Variants in CIMIP2A observed in about 807,000 individuals in gnomAD.
CIMIP2A encodes the protein family with sequence similarity 166 member A.
At chr9:137,244,115 C>T in the CIMIP2A span, 29 of 1,523,638 alleles carry the variant, frequency 1.9e-5, no homozygotes, top group African/African-American at 9.6e-5. Flanking sequence ...CAGGTAGAGC[C>T]GTCCCTCCCC....
chr9:137,252,468 G>A, the CIMIP2A span: 1 of 1,611,368 alleles, frequency 6.2e-7, no homozygotes, highest in South Asian at 1.1e-5. Context: ...GGCAGACTTT[G>A]TGGTTCCAGA....
chr9:137,251,851 C>G, the CIMIP2A span: 7 of 1,607,820 alleles, frequency 4.4e-6, no homozygotes, highest in African/African-American at 1.3e-5. Flanking sequence ...ACGGGCACCC[C>G]CCAGGAGTCC....
the CIMIP2A span, chr9:137,251,058 A>C: frequency 1.9e-6 from 1 of 538,722 alleles, no homozygotes; most frequent in East Asian, 3.3e-5. Flanking sequence ...GGTTGCGGGG[A>C]GGGAGAGGGC....
chr9:137,244,151 A>AC, the CIMIP2A span: 2 of 1,611,912 alleles, frequency 1.2e-6, no homozygotes, highest in Non-Finnish European at 1.7e-6. Flanking sequence ...TGTCCATGTG[A>AC]CCCTGCCCAC....
At chr9:137,251,487 G>A in the CIMIP2A span, 26 of 1,129,556 alleles carry the variant, frequency 2.3e-5, no homozygotes, top group East Asian at 4.7e-5. Context: ...CTGGGCAGGC[G>A]GCTGGGGGAC....
chr9:137,249,982 CT>C, the CIMIP2A span, among the ~76,000 whole-genome samples: 9 of 151,076 alleles, frequency 6.0e-5, no homozygotes, highest in East Asian at 1.9e-4. Flanking sequence ...GGCCCTGCCC[CT>C]ATCTGTGTCT....
At chr9:137,244,967 C>T in the CIMIP2A span, 19 of 1,604,372 alleles carry the variant, frequency 1.2e-5, no homozygotes, top group South Asian at 5.5e-5. Context: ...CCCCCCAGGC[C>T]GCTAGCCTGT....
the CIMIP2A span, chr9:137,252,098 C>A: frequency 6.2e-7 from 1 of 1,612,512 alleles, no homozygotes; most frequent in Non-Finnish European, 8.5e-7. Flanking sequence ...CCTCCCCACA[C>A]CCCCACTACA....
the CIMIP2A span, chr9:137,245,062 T>TCCAGC: frequency 1.2e-6 from 2 of 1,610,258 alleles, no homozygotes; most frequent in Non-Finnish European, 1.7e-6. Flanking sequence ...GGCGGCCTTC[T>TCCAGC]CCAGCCCAGC....
chr9:137,249,015 A>G, the CIMIP2A span, among the ~76,000 whole-genome samples: 1 of 80,952 alleles, frequency 1.2e-5, no homozygotes, highest in Non-Finnish European at 3.0e-5. Flanking sequence ...GCAGACTAAT[A>G]TGGTTTTTTT....
At chr9:137,243,969 G>C in the CIMIP2A span, among the ~76,000 whole-genome samples, 1 of 152,096 alleles carries the variant, frequency 6.6e-6, no homozygotes, top group African/African-American at 2.4e-5. Context: ...GGCTCGGCCT[G>C]TGTCTGGGAC....
the CIMIP2A span, chr9:137,251,113 G>A: frequency 4.5e-5 from 28 of 622,660 alleles, no homozygotes; most frequent in East Asian, 4.8e-4. Context: ...TGGCCCAGGC[G>A]GACCCGCTGA....
the CIMIP2A span, chr9:137,245,427 G>A: frequency 6.2e-7 from 1 of 1,613,904 alleles, no homozygotes; most frequent in Non-Finnish European, 8.5e-7. Context: ...GAGGGTGCGG[G>A]GTGTCGGGCG....
At chr9:137,243,850 C>CA in the CIMIP2A span, 4 of 1,557,818 alleles carry the variant, frequency 2.6e-6, no homozygotes, top group Non-Finnish European at 3.5e-6. Flanking sequence ...ATGGGCTGGA[C>CA]ACCCAGGCTT....
At chr9:137,245,023 T>C in the CIMIP2A span, 1 of 1,610,230 alleles carries the variant, frequency 6.2e-7, no homozygotes, top group Non-Finnish European at 8.5e-7. Flanking sequence ...CCTCAGGGGC[T>C]CTCACACTGC....
the CIMIP2A span, chr9:137,253,020 A>G: frequency 4.1e-6 from 6 of 1,457,884 alleles, no homozygotes; most frequent in African/African-American, 8.5e-5. Context: ...GGGCAATGTG[A>G]GGACAAGGGT....
the CIMIP2A span, chr9:137,252,439 G>A: frequency 2.5e-4 from 402 of 1,610,124 alleles, no homozygotes; most frequent in Non-Finnish European, 3.0e-4. Flanking sequence ...AACTACAGAG[G>A]GCGGTGGCCG....
chr9:137,250,988 A>C, the CIMIP2A span: 6 of 398,316 alleles, frequency 1.5e-5, no homozygotes, highest in Non-Finnish European at 2.4e-5. Context: ...CAGACCTGCT[A>C]GAGTGGACCC....
the CIMIP2A span, chr9:137,245,776 TCTGTGAG>T: frequency 6.5e-7 from 1 of 1,548,902 alleles, no homozygotes; most frequent in Non-Finnish European, 8.7e-7. Context: ...CACACTGGGG[TCTGTGAG>T]CAGCTGCCCC....
Sources: allele counts gnomAD v4.1 joint callset (sites outside exome capture counted in the v4.1 genomes callset), GRCh38; gene constraint gnomAD v4.1.1; transcripts MANE v1.5; gene names NCBI Gene and HGNC (gene_info 2026-07-23, HGNC 2026-07-21).